The following TDRD12 variants were observed in gnomAD, a reference collection of about 807,000 sequenced individuals.
TDRD12 encodes tudor domain containing 12, also known as putative ATP-dependent RNA helicase TDRD12.
Under a neutral mutation model 133.5 loss-of-function variants are expected in TDRD12, and 158 were observed. The ratio of observed to expected loss-of-function variants is 1.18; its 90% CI spans 1.04 to 1.35. TDRD12 has a LOEUF of 1.35. TDRD12 is among the 40% of genes most tolerant of loss of function. The probability of loss-of-function intolerance (pLI) is 0.00; values close to 1 mark genes in which losing one functional copy is unlikely to be tolerated. For missense variants in TDRD12, 1,443 were observed against 1,321.3 expected, an observed-to-expected ratio of 1.09 and a Z score of -1.43; for synonymous variants, 460 against 477.9, an observed-to-expected ratio of 0.96 and a Z score of 0.49.
intron 3 of TDRD12, 59 bp downstream of exon 3, chr19:32,739,051 G>A: frequency 6.5e-7 from 1 of 1,539,114 alleles, no homozygotes; most frequent in Non-Finnish European, 8.8e-7. Flanking sequence ...AGTTTCAAAG[G>A]AGAACGTCCA....
intron 18 of TDRD12, among the ~76,000 whole-genome samples, chr19:32,800,986 T>C (rs1228196641): frequency 6.6e-6 from 1 of 151,624 alleles, no homozygotes. Context: ...GGGCTTTTCC[T>C]CTGCAGCAGC....
intron 8 of TDRD12, among the ~76,000 whole-genome samples, chr19:32,770,847 A>G (rs967666795): frequency 1.3e-5 from 2 of 152,196 alleles, no homozygotes; most frequent in Non-Finnish European, 1.5e-5. Flanking sequence ...TTCTTGATAT[A>G]AGTACTAAGT....
chr19:32,782,130 C>A (rs572620097), intron 11 of TDRD12, among the ~76,000 whole-genome samples: 1 of 150,896 alleles, frequency 6.6e-6, no homozygotes, highest in African/African-American at 2.4e-5. Context: ...CCCCCACCCC[C>A]CACAGGCCCC....
At chr19:32,808,852 G>A (rs981454191) in intron 22 of TDRD12, among the ~76,000 whole-genome samples, 1 of 152,248 alleles carries the variant, frequency 6.6e-6, no homozygotes, top group Non-Finnish European at 1.5e-5. Context: ...GAAGGTTATA[G>A]TTTTGATCTG....
chr19:32,787,365 C>T (rs1970938199), intron 11 of TDRD12, among the ~76,000 whole-genome samples: 1 of 152,158 alleles, frequency 6.6e-6, no homozygotes, highest in East Asian at 1.9e-4. Context: ...CCCAGTCAGG[C>T]TACACATGAG....
chr19:32,719,835 C>A, exon 1 of TDRD12: 1 of 581,778 alleles, frequency 1.7e-6, no homozygotes, highest in Non-Finnish European at 3.1e-6. Flanking sequence ...GATCCCGCAG[C>A]GAGGGGCTGG....
intron 11 of TDRD12, among the ~76,000 whole-genome samples, chr19:32,779,883 C>T (rs1383381731): frequency 1.3e-5 from 2 of 152,104 alleles, no homozygotes; most frequent in African/African-American, 4.8e-5. Context: ...CCACTCACGT[C>T]ATCTCTGATA....
At chr19:32,817,020 G>A (rs1167066070) in intron 26 of TDRD12, among the ~76,000 whole-genome samples, 2 of 152,178 alleles carry the variant, frequency 1.3e-5, no homozygotes, top group African/African-American at 4.8e-5. Flanking sequence ...CCAAGTGTGG[G>A]CAGGGATGAG....
At chr19:32,750,261 C>T (rs1457002483) in intron 6 of TDRD12, among the ~76,000 whole-genome samples, 1 of 151,922 alleles carries the variant, frequency 6.6e-6, no homozygotes, top group Non-Finnish European at 1.5e-5. Flanking sequence ...AGAAAGCGGA[C>T]ATCATATGTG....
exon 11 of TDRD12, chr19:32,777,186 T>C: frequency 6.5e-7 from 1 of 1,542,634 alleles, no homozygotes; most frequent in Non-Finnish European, 8.7e-7. Flanking sequence ...ACCTCTTAGA[T>C]TGACTGAGAA....
chr19:32,770,379 G>A (rs979590374), intron 8 of TDRD12, among the ~76,000 whole-genome samples: 2 of 151,992 alleles, frequency 1.3e-5, no homozygotes, highest in Non-Finnish European at 2.9e-5. Flanking sequence ...CTCTTGAATT[G>A]ACCATTTTCC....
exon 26 of TDRD12, chr19:32,815,611 G>A (rs1967151904): frequency 6.5e-7 from 1 of 1,532,792 alleles, no homozygotes; most frequent in South Asian, 1.2e-5. Context: ...GAAAGCCTAA[G>A]CCAGACCCCG....
chr19:32,748,340 T>G, intron 4 of TDRD12, 136 bp from the exon 5 acceptor site: 1 of 830,228 alleles, frequency 1.2e-6, no homozygotes, highest in Middle Eastern at 2.3e-4. Context: ...GCAGGGCCAG[T>G]GCCAGGTGCC....
intron 8 of TDRD12, among the ~76,000 whole-genome samples, chr19:32,762,237 G>A (rs1203051968): frequency 6.6e-6 from 1 of 152,120 alleles, no homozygotes. Flanking sequence ...TGTGCCTTTG[G>A]TGTTGTCTCT....
chr19:32,800,862 T>C, intron 18 of TDRD12, 90 bp downstream of exon 18: 2 of 1,311,122 alleles, frequency 1.5e-6, no homozygotes, highest in African/African-American at 1.5e-5. Context: ...GTTGACTCTG[T>C]GGCAGGGAAG....
intron 21 of TDRD12, among the ~76,000 whole-genome samples, chr19:32,806,538 C>T (rs560204032): frequency 1.6e-4 from 24 of 151,942 alleles, no homozygotes; most frequent in Admixed American, 1.0e-3. Flanking sequence ...AGATGGGGTT[C>T]GCCATGTTGG....
exon 10 of TDRD12, chr19:32,827,372 C>CTTTTCTT (rs61327156): frequency 9.8e-5 from 12 of 122,398 alleles, no homozygotes; most frequent in African/African-American, 4.9e-4. Context: ...CTTTTCTTTT[C>CTTTTCTT]TTTTTTTTTT....
intron 13 of TDRD12, 109 bp from the exon 14 acceptor site, chr19:32,794,519 A>G: frequency 3.3e-6 from 2 of 612,700 alleles, no homozygotes; most frequent in South Asian, 4.0e-5. Context: ...CTTGGAAAAT[A>G]CTGGGTTTGG....
At chr19:32,728,890 G>T (rs1057383869) in intron 1 of TDRD12, among the ~76,000 whole-genome samples, 1 of 147,160 alleles carries the variant, frequency 6.8e-6, no homozygotes, top group African/African-American at 2.5e-5. Context: ...CTTGTGATCC[G>T]CCCGTCTCGG....
Sources: gnomAD v4.1 joint callset for allele counts (sites outside exome capture counted in the v4.1 genomes callset) on GRCh38, gnomAD v4.1.1 for gene constraint, MANE v1.5 for transcripts, NCBI Gene and HGNC (gene_info 2026-07-23, HGNC 2026-07-21) for gene names.